Variants in GNB5 observed in about 807,000 individuals in gnomAD.
The protein encoded by GNB5 is guanine nucleotide-binding protein subunit beta-5.
A neutral mutation model predicts 55.3 loss-of-function variants in GNB5; 37 were observed. That is an observed-to-expected ratio of 0.67 (90% CI 0.51 to 0.88). The LOEUF is 0.88. GNB5 is among the 40% of genes least tolerant of loss of function. The pLI is 0.00. For synonymous variants in GNB5, 219 were observed against 198.5 expected (o/e 1.10, Z -0.87); for missense variants, 476 against 515.3 (o/e 0.92, Z 0.74).
intron 6 of GNB5, 68 bp from the exon 7 acceptor site, chr15:52,141,340 T>C: frequency 7.3e-7 from 1 of 1,363,940 alleles, no homozygotes; most frequent in Admixed American, 1.7e-5. Flanking sequence ...ACTTTTCCAA[T>C]CACATGAACT....
chr15:52,132,326 A>G (rs1299167675), intron 9 of GNB5, among the ~76,000 whole-genome samples: 2 of 152,112 alleles, frequency 1.3e-5, no homozygotes, highest in Non-Finnish European at 2.9e-5. Flanking sequence ...GATATTTCAT[A>G]ATTCTTGACA....
intron 1 of GNB5, 57 bp downstream of exon 1, chr15:52,191,265 C>T (rs1007423593): frequency 3.2e-4 from 48 of 152,250 alleles, no homozygotes; most frequent in African/African-American, 1.1e-3. Context: ...CATCTGGATG[C>T]TTTTCTGAGC....
intron 3 of GNB5, among the ~76,000 whole-genome samples, chr15:52,169,742 G>A (rs963818441): frequency 1.3e-5 from 2 of 151,910 alleles, no homozygotes; most frequent in Non-Finnish European, 2.9e-5. Flanking sequence ...AAAACAAAGG[G>A]CCTCTGCATA....
At chr15:52,149,716 A>T (rs1394841150) in intron 5 of GNB5, 168 bp downstream of exon 5, 1 of 700,186 alleles carries the variant, frequency 1.4e-6, no homozygotes, top group Non-Finnish European at 2.6e-6. Context: ...GGGCTGGCTG[A>T]GCTGTTCAAA....
chr15:52,165,979 A>G (rs947278938), intron 3 of GNB5, among the ~76,000 whole-genome samples: 7 of 152,238 alleles, frequency 4.6e-5, no homozygotes, highest in Non-Finnish European at 8.8e-5. Context: ...TAGGCTAAAA[A>G]TAAAGGGATG....
chr15:52,158,028 T>TA (rs777122335), intron 3 of GNB5, among the ~76,000 whole-genome samples: 28 of 152,118 alleles, frequency 1.8e-4, no homozygotes, highest in African/African-American at 6.3e-4. Context: ...TTTTTTTTTT[T>TA]AATGGTGAAT....
chr15:52,161,924 G>T (rs1451681450), intron 3 of GNB5, among the ~76,000 whole-genome samples: 1 of 152,212 alleles, frequency 6.6e-6, no homozygotes, highest in Admixed American at 6.5e-5. Flanking sequence ...TTTGGCTCAT[G>T]GACAAAATCT....
At position 52,167,842 on chromosome 15, in the gene GNB5, T is replaced by C. The variant is rs547054798; in HGVS notation, c.238+11926A>G. Among the ~76,000 whole-genome samples the C allele has an allele frequency of 5.3e-5, 8 of 152,122 alleles. No individual in the cohort carries two copies. In the South Asian group the frequency reaches 1.2e-3, roughly 24 times the overall value. Reference sequence around the variant, plus strand: ...ATTCATCCCCAGGATGCAACATTGGTTCAACATACACAAATCAGTAAATAT... The same window carrying C: ...ATTCATCCCCAGGATGCAACATTGGCTCAACATACACAAATCAGTAAATAT... On this transcript the variant is annotated intron_variant, in intron 3 of 12. Coordinates refer to ENST00000261837, the MANE Select transcript of GNB5 (RefSeq NM_016194.4).
chr15:52,149,470 T>C (rs2034045436), intron 5 of GNB5: 1 of 425,392 alleles, frequency 2.4e-6, no homozygotes, highest in East Asian at 3.9e-5. Flanking sequence ...CACTGCAGCC[T>C]CATCTTCCCC....
chr15:52,124,560 C>CA lies in GNB5; in HGVS notation c.1088dup (p.Phe364ValfsTer4), dbSNP rs2033370188. ...TGCTAACGCGGTTTTCATGTCCAAA[C>CA]AGGATGGAGACCCGGGACCCTTTGA... is the stretch of plus-strand genomic sequence containing the variant. On this transcript the variant is annotated frameshift_variant, in exon 12 of 13. Coordinates refer to ENST00000261837, the MANE Select transcript of GNB5 (RefSeq NM_016194.4). LOFTEE classifies it high-confidence loss of function. 6.2e-7 allele frequency: 1 copy of CA among 1,613,666 alleles called. No homozygotes were observed. The highest frequency in any genetic ancestry group is 1.7e-5 in the Admixed American group (1 of 60,012).
At chr15:52,182,169 GC>G (rs1212386772) in intron 2 of GNB5, among the ~76,000 whole-genome samples, 11 of 152,320 alleles carry the variant, frequency 7.2e-5, no homozygotes, top group Non-Finnish European at 1.5e-4. Context: ...AGAGAGCAGT[GC>G]GTGGCACACA....
rs377418231 is a variant in GNB5, at chr15:52,136,001, T to C, written c.628-245A>G. 3.1e-3 allele frequency among the ~76,000 whole-genome samples: 445 copies of C among 142,890 alleles called. 1 individual carries two copies. The highest frequency in any genetic ancestry group is 5.2e-3 in the Non-Finnish European group (346 of 66,194). 93.7% of individuals were successfully genotyped at this position (142,890 alleles called of 152,430 possible). A position where few individuals can be genotyped will look rare whatever the true frequency, so the allele number is the denominator to read the frequency against. ...AGTCCTTGAGTTGTGTTTATATGGT[T>C]GTGGTTATTGCTTATGCCGGGGGCA... On this transcript the variant is annotated intron_variant, in intron 7 of 12. Transcript: ENST00000261837.
chr15:52,156,383 G>C (rs1459350203), intron 3 of GNB5, among the ~76,000 whole-genome samples: 1 of 152,150 alleles, frequency 6.6e-6, no homozygotes, highest in East Asian at 1.9e-4. Flanking sequence ...TGTGATAAAA[G>C]AGCAAAGTTG....
intron 3 of GNB5, among the ~76,000 whole-genome samples, chr15:52,179,157 C>T (rs2034710344): frequency 2.0e-5 from 3 of 152,172 alleles, no homozygotes; most frequent in Admixed American, 2.0e-4. Flanking sequence ...CACATCGATC[C>T]AAAAGCTTTT....
intron 12 of GNB5, 94 bp from the exon 13 acceptor site, chr15:52,122,862 A>G: frequency 2.3e-6 from 2 of 865,226 alleles, no homozygotes; most frequent in South Asian, 1.3e-5. Context: ...ATTCACACAC[A>G]TGCATGGGCA....
intron 3 of GNB5, among the ~76,000 whole-genome samples, chr15:52,179,305 G>A (rs1308378827): frequency 6.6e-6 from 1 of 152,104 alleles, no homozygotes; most frequent in South Asian, 2.1e-4. Flanking sequence ...TCTCATAAAA[G>A]CAAAACTGAG....
At chr15:52,145,407 A>C (rs1351204882) in intron 6 of GNB5, among the ~76,000 whole-genome samples, 1 of 151,978 alleles carries the variant, frequency 6.6e-6, no homozygotes, top group Non-Finnish European at 1.5e-5. Flanking sequence ...TGGGAGGCTG[A>C]GGCAGGCAGA....
intron 7 of GNB5, among the ~76,000 whole-genome samples, chr15:52,136,102 G>C (rs183508870): frequency 1.4e-5 from 1 of 72,718 alleles, no homozygotes; most frequent in Non-Finnish European, 2.4e-5. Context: ...CACACACAGG[G>C]AAAAGCAGAA....
Position 52,185,753 on chromosome 15 carries a change from TTTATTATTATTA to T in GNB5, c.-18-1071_-18-1060del, listed in dbSNP as rs9302164. 3.0e-3 allele frequency among the ~76,000 whole-genome samples: 414 copies of T among 136,710 alleles called. 8 individuals carry two copies. The highest frequency in any genetic ancestry group is 0.014 in the East Asian group (69 of 4,802). 89.7% of individuals were successfully genotyped at this position (136,710 alleles called of 152,430 possible). On this transcript the variant is annotated intron_variant, in intron 1 of 12. Transcript: ENST00000261837. Reference sequence around the variant, plus strand: ...CCACTTTGAGCTGTGTATTCATCTTTTTATTATTATTATTATTATTATTATTATTATTATTAT... The same window carrying T: ...CCACTTTGAGCTGTGTATTCATCTTTTTATTATTATTATTATTATTATTAT...
Sources: allele counts gnomAD v4.1 joint callset (sites outside exome capture counted in the v4.1 genomes callset), GRCh38; gene constraint gnomAD v4.1.1; transcripts MANE v1.5; gene names NCBI Gene and HGNC (gene_info 2026-07-23, HGNC 2026-07-21).